VAV3: variants seen among roughly 807,000 people sequenced by gnomAD.
VAV3 encodes the protein vav guanine nucleotide exchange factor 3.
VAV3 carries 94 observed loss-of-function variants against 131.2 expected under a neutral mutation model. The ratio of observed to expected loss-of-function variants is 0.72; its 90% CI spans 0.61 to 0.85. The LOEUF (loss-of-function observed/expected upper bound fraction) is 0.85. Ranked by LOEUF, VAV3 falls within the 40% of genes least tolerant of loss-of-function variation. The pLI is 0.00. For synonymous variants in VAV3, 349 were observed against 342.0 expected (o/e 1.02, Z -0.22); for missense variants, 939 against 1,002.7 (o/e 0.94, Z 0.86).
At chr1:107,822,685 TA>T (rs772377872) in intron 2 of VAV3, among the ~76,000 whole-genome samples, 1 of 132,214 alleles carries the variant, frequency 7.6e-6, no homozygotes, top group Admixed American at 7.5e-5. Context: ...AATAAATAAA[TA>T]AATAATAAAA....
chr1:107,594,352 C>A (rs1651202041), intron 25 of VAV3, among the ~76,000 whole-genome samples: 1 of 152,044 alleles, frequency 6.6e-6, no homozygotes, highest in African/African-American at 2.4e-5. Flanking sequence ...TAATATATAT[C>A]TGTTTAACGA....
intron 1 of VAV3, among the ~76,000 whole-genome samples, chr1:107,952,889 G>T (rs1443183341): frequency 6.6e-6 from 1 of 152,094 alleles, no homozygotes; most frequent in Non-Finnish European, 1.5e-5. Context: ...AGAAAGTAGA[G>T]GGGCTATAAA....
chr1:107,612,956 T>C (rs1343086933), intron 21 of VAV3, among the ~76,000 whole-genome samples: 1 of 152,126 alleles, frequency 6.6e-6, no homozygotes, highest in Non-Finnish European at 1.5e-5. Context: ...CCTAGTGCCA[T>C]TCCTTTTTCC....
At chr1:107,875,070 C>A in intron 1 of VAV3, 53 bp from the exon 2 acceptor site, 1 of 1,453,170 alleles carries the variant, frequency 6.9e-7, no homozygotes, top group South Asian at 1.1e-5. Context: ...TGAATGCTAT[C>A]CACCCTCTGT....
At chr1:107,668,986 G>A (rs1255063900) in intron 19 of VAV3, 22 of 996,340 alleles carry the variant, frequency 2.2e-5, no homozygotes, top group Non-Finnish European at 2.6e-5. Context: ...TGGGGTTCAG[G>A]ATTTCTAAGG....
chr1:107,670,905 A>G (rs567620894), intron 19 of VAV3, among the ~76,000 whole-genome samples: 147 of 152,314 alleles, frequency 9.7e-4, no homozygotes, highest in Non-Finnish European at 1.8e-3. Flanking sequence ...AGGTTCCAAG[A>G]AGGTGTTGCC....
intron 15 of VAV3, among the ~76,000 whole-genome samples, chr1:107,724,424 T>C (rs1661703677): frequency 6.6e-6 from 1 of 152,202 alleles, no homozygotes; most frequent in South Asian, 2.1e-4. Context: ...GACATTCTTT[T>C]ATTCAATAAG....
At chr1:107,926,134 T>C (rs1357048443) in intron 1 of VAV3, among the ~76,000 whole-genome samples, 1 of 151,634 alleles carries the variant, frequency 6.6e-6, no homozygotes, top group Non-Finnish European at 1.5e-5. Context: ...ATACAAAAAT[T>C]AGCCAGGCAT....
chr1:107,573,804 AAGCAGC>A (rs1187742767), intron 26 of VAV3, among the ~76,000 whole-genome samples: 3 of 152,202 alleles, frequency 2.0e-5, no homozygotes, highest in African/African-American at 7.2e-5. Flanking sequence ...ACTCTTTTCC[AAGCAGC>A]AAGCTGTCCC....
At chr1:107,674,068 C>T (rs754295108) in intron 19 of VAV3, among the ~76,000 whole-genome samples, 3 of 152,176 alleles carry the variant, frequency 2.0e-5, no homozygotes, top group Admixed American at 6.5e-5. Flanking sequence ...AAAGCCAACA[C>T]TGCAAAATAA....
chr1:107,903,969 G>A (rs533297766), intron 1 of VAV3, among the ~76,000 whole-genome samples: 2 of 152,086 alleles, frequency 1.3e-5, no homozygotes, highest in African/African-American at 4.8e-5. Flanking sequence ...TGCCCTCATC[G>A]ATCTGCAGCT....
chr1:107,701,131 C>T (rs146052974), intron 17 of VAV3, among the ~76,000 whole-genome samples: 2,484 of 152,086 alleles, frequency 0.016, 25 homozygotes, highest in Middle Eastern at 0.068. Flanking sequence ...ATGTCCTTTG[C>T]CTGCTTTTTA....
intron 1 of VAV3, among the ~76,000 whole-genome samples, chr1:107,931,647 C>G (rs934770985): frequency 3.9e-5 from 6 of 152,080 alleles, no homozygotes; most frequent in Non-Finnish European, 8.8e-5. Flanking sequence ...GAAATATTGT[C>G]ATAAAGAATT....
At position 107,810,552 on chromosome 1, in the gene VAV3, C is replaced by T. The variant is rs544559501; in HGVS notation, c.322-31060G>A. ...TTTCACAAAAATTTATAAAACATCA[C>T]AGTCCCATCTGAATTTTCCCTTAGT... is the stretch of plus-strand genomic sequence containing the variant. On this transcript the variant is annotated intron_variant, in intron 2 of 26. Coordinates refer to ENST00000370056, the MANE Select transcript of VAV3 (RefSeq NM_006113.5). Among the ~76,000 whole-genome samples the T allele has an allele frequency of 1.8e-4, 27 of 152,216 alleles. No homozygotes were observed. The South Asian group carries it at 5.6e-3, about 32-fold the overall frequency.
chr1:107,844,203 G>C (rs1668855257), intron 2 of VAV3, among the ~76,000 whole-genome samples: 1 of 151,894 alleles, frequency 6.6e-6, no homozygotes, highest in Non-Finnish European at 1.5e-5. Context: ...TCCTCACCCA[G>C]GAAGTGCAAG....
chr1:107,777,915 T>C (rs1427706292), intron 3 of VAV3: 3 of 152,306 alleles, frequency 2.0e-5, no homozygotes, highest in Non-Finnish European at 4.4e-5. Flanking sequence ...GTGAATAGAG[T>C]GTTTTCTTTG....
At chr1:107,578,311 TTTTTTA>T (rs1249950701) in intron 25 of VAV3, among the ~76,000 whole-genome samples, 5 of 152,210 alleles carry the variant, frequency 3.3e-5, no homozygotes, top group African/African-American at 7.2e-5. Context: ...CTGCAGTACA[TTTTTTA>T]TTTTTAAGTA....
chr1:107,873,904 G>A (rs930083538), intron 2 of VAV3, among the ~76,000 whole-genome samples: 5 of 152,118 alleles, frequency 3.3e-5, no homozygotes, highest in Admixed American at 3.3e-4. Flanking sequence ...CATATGCGCT[G>A]TATTTCAGCA....
At chr1:107,819,557 T>C (rs1667706295) in intron 2 of VAV3, among the ~76,000 whole-genome samples, 1 of 151,870 alleles carries the variant, frequency 6.6e-6, no homozygotes, top group South Asian at 2.1e-4. Context: ...GACAAAGTGT[T>C]AATATCTCTT....
Sources: gnomAD v4.1 joint callset for allele counts (sites outside exome capture counted in the v4.1 genomes callset) on GRCh38, gnomAD v4.1.1 for gene constraint, MANE v1.5 for transcripts, NCBI Gene and HGNC (gene_info 2026-07-23, HGNC 2026-07-21) for gene names.